The following SAMD8 variants were observed in gnomAD, a reference collection of about 807,000 sequenced individuals.
SAMD8 encodes the protein sphingomyelin synthase-related protein 1.
Under a neutral mutation model 42.0 loss-of-function variants are expected in SAMD8, and 20 were observed. The observed-to-expected ratio is 0.48, with a 90% CI of 0.34 to 0.69. The LOEUF (loss-of-function observed/expected upper bound fraction) is 0.69. SAMD8 is among the 30% of genes least tolerant of loss of function. The pLI is 0.01. For missense variants in SAMD8, 328 were observed against 511.6 expected (o/e 0.64, Z 3.46); for synonymous variants, 162 against 173.0 (o/e 0.94, Z 0.50).
intron 2 of SAMD8, among the ~76,000 whole-genome samples, chr10:75,163,246 C>T (rs1840599776): frequency 6.6e-6 from 1 of 152,004 alleles, no homozygotes; most frequent in South Asian, 2.1e-4. Flanking sequence ...TTTTAAATAC[C>T]TTTATTTCCC....
At chr10:75,112,349 A>G (rs1848791879) in intron 1 of SAMD8, among the ~76,000 whole-genome samples, 1 of 152,218 alleles carries the variant, frequency 6.6e-6, no homozygotes. Context: ...TGTGGTCAAG[A>G]AAGAAAAGGA....
intron 1 of SAMD8, among the ~76,000 whole-genome samples, chr10:75,144,117 G>A (rs899255593): frequency 2.0e-5 from 3 of 151,902 alleles, no homozygotes; most frequent in South Asian, 2.1e-4. Flanking sequence ...ACAGGCACCC[G>A]CCACCATGCC....
At chr10:75,119,932 G>C (rs1848966604) in intron 1 of SAMD8, among the ~76,000 whole-genome samples, 4 of 152,118 alleles carry the variant, frequency 2.6e-5, no homozygotes, top group Admixed American at 2.6e-4. Context: ...GCTGGGCGTG[G>C]TGGCGCGCAT....
chr10:75,141,869 T>TA (rs1050502311), intron 1 of SAMD8, among the ~76,000 whole-genome samples: 3 of 151,906 alleles, frequency 2.0e-5, no homozygotes, highest in Admixed American at 6.6e-5. Flanking sequence ...TTTATCTTAT[T>TA]ACACTGACCA....
At chr10:75,103,180 TGGA>T (rs944073452) in intron 1 of SAMD8, among the ~76,000 whole-genome samples, 14 of 152,168 alleles carry the variant, frequency 9.2e-5, no homozygotes, top group Non-Finnish European at 4.4e-5. Flanking sequence ...GGATGTTCTG[TGGA>T]GGAGGACAGT....
chr10:75,149,287 AAT>A (rs1246713580), intron 1 of SAMD8, among the ~76,000 whole-genome samples: 1 of 152,226 alleles, frequency 6.6e-6, no homozygotes, highest in Non-Finnish European at 1.5e-5. Context: ...GAAGAACATA[AAT>A]AGAGCTGTGT....
At chr10:75,108,862 C>T (rs1848679068), upstream of SAMD8, 3 of 1,083,510 alleles carry the variant, frequency 2.8e-6, no homozygotes, top group African/African-American at 1.6e-5. Context: ...CCTCAGCACC[C>T]CCGGGGGTCC....
intron 3 of SAMD8, among the ~76,000 whole-genome samples, chr10:75,165,445 C>T (rs546614458): frequency 6.6e-5 from 10 of 151,646 alleles, no homozygotes; most frequent in South Asian, 4.2e-4. Context: ...GCAAGGCAGG[C>T]GGATCACGAG....
intron 2 of SAMD8, chr10:75,164,386 C>T (rs1036134359): frequency 1.9e-5 from 5 of 269,584 alleles, no homozygotes; most frequent in Non-Finnish European, 2.7e-5. Context: ...GTTGCCACTT[C>T]TTTTTTTTTT....
intron 1 of SAMD8, among the ~76,000 whole-genome samples, chr10:75,139,221 G>A (rs1044707211): frequency 1.3e-5 from 2 of 151,620 alleles, no homozygotes; most frequent in African/African-American, 2.4e-5. Flanking sequence ...TGCCCACCTC[G>A]GCCTTCCAAC....
At chr10:75,153,367 C>T (rs145224194) in intron 2 of SAMD8, among the ~76,000 whole-genome samples, 5 of 151,968 alleles carry the variant, frequency 3.3e-5, no homozygotes, top group Admixed American at 6.6e-5. Flanking sequence ...CCCAGCACTT[C>T]GAGAGGACGA....
intron 1 of SAMD8, among the ~76,000 whole-genome samples, chr10:75,102,985 C>G (rs1457055276): frequency 6.6e-6 from 1 of 151,922 alleles, no homozygotes; most frequent in Admixed American, 6.6e-5. Flanking sequence ...TGGTGGCACA[C>G]ACTTATAGTC....
At chr10:75,121,076 CT>C (rs1848995434) in intron 1 of SAMD8, among the ~76,000 whole-genome samples, 1 of 152,066 alleles carries the variant, frequency 6.6e-6, no homozygotes, top group South Asian at 2.1e-4. Flanking sequence ...CACACCCGGA[CT>C]TTTGAGCAGT....
At chr10:75,158,724 T>C (rs1378321813) in intron 2 of SAMD8, among the ~76,000 whole-genome samples, 2 of 152,236 alleles carry the variant, frequency 1.3e-5, no homozygotes, top group Admixed American at 1.3e-4. Flanking sequence ...AGTCATACTC[T>C]ATTCCTTCCT....
chr10:75,136,138 T>C (rs914148124), intron 1 of SAMD8, among the ~76,000 whole-genome samples: 2 of 152,126 alleles, frequency 1.3e-5, no homozygotes, highest in African/African-American at 2.4e-5. Flanking sequence ...TTCTTTAATT[T>C]GTAGTATGGT....
chr10:75,168,000 T>C (rs967961804), intron 3 of SAMD8, among the ~76,000 whole-genome samples: 4 of 152,160 alleles, frequency 2.6e-5, no homozygotes. Context: ...TTTAGCCATA[T>C]TTTCTTTTTT....
At chr10:75,103,157 G>T (rs1161231366) in intron 1 of SAMD8, among the ~76,000 whole-genome samples, 1 of 152,238 alleles carries the variant, frequency 6.6e-6, no homozygotes, top group Non-Finnish European at 1.5e-5. Flanking sequence ...AGGGCAGGAA[G>T]TTCAAGTTGG....
chr10:75,140,888 C>T (rs2134460764), intron 1 of SAMD8, among the ~76,000 whole-genome samples: 1 of 152,278 alleles, frequency 6.6e-6, no homozygotes, highest in Non-Finnish European at 1.5e-5. Context: ...ACTCATTTCT[C>T]ATTTTTAGGT....
intron 4 of SAMD8, among the ~76,000 whole-genome samples, chr10:75,170,650 AAG>A (rs1840830346): frequency 6.6e-6 from 1 of 151,796 alleles, no homozygotes. Context: ...ATATATTAAA[AAG>A]TAAAAATTCA....
Sources: gnomAD v4.1 joint callset for allele counts (sites outside exome capture counted in the v4.1 genomes callset) on GRCh38, gnomAD v4.1.1 for gene constraint, MANE v1.5 for transcripts, NCBI Gene and HGNC (gene_info 2026-07-23, HGNC 2026-07-21) for gene names.